The following SORCS3 variants were observed in gnomAD, a reference collection of about 807,000 sequenced individuals.
The protein encoded by SORCS3 is VPS10 domain-containing receptor SorCS3.
A neutral mutation model predicts 146.3 loss-of-function variants in SORCS3; 57 were observed. That is an observed-to-expected ratio of 0.39 (90% CI 0.31 to 0.49). SORCS3 has a LOEUF of 0.49. Ranked by LOEUF, SORCS3 falls within the 20% of genes least tolerant of loss-of-function variation. SORCS3 has a pLI of 0.92. For missense variants in SORCS3, 1,341 were observed against 1,575.5 expected (o/e 0.85, Z 2.52); for synonymous variants, 653 against 618.5 (o/e 1.06, Z -0.83).
At chr10:105,006,031 C>T (rs541213535) in intron 4 of SORCS3, among the ~76,000 whole-genome samples, 2 of 152,216 alleles carry the variant, frequency 1.3e-5, no homozygotes, top group East Asian at 1.9e-4. Flanking sequence ...AACTTCCGTC[C>T]CTTGGGTTCA....
At chr10:104,863,738 G>A (rs534870259) in intron 2 of SORCS3, among the ~76,000 whole-genome samples, 1 of 152,308 alleles carries the variant, frequency 6.6e-6, no homozygotes, top group Admixed American at 6.5e-5. Context: ...TTGGTACCCT[G>A]TCTGCTCCTA....
At chr10:104,780,026 A>AGGGAGGT in intron 1 of SORCS3, among the ~76,000 whole-genome samples, 1 of 151,938 alleles carries the variant, frequency 6.6e-6, no homozygotes, top group Admixed American at 6.6e-5. Context: ...GGGGAGGGGA[A>AGGGAGGT]GGGAGGTGGA....
At chr10:104,851,895 T>C (rs2018277644) in intron 2 of SORCS3, among the ~76,000 whole-genome samples, 1 of 152,218 alleles carries the variant, frequency 6.6e-6, no homozygotes, top group African/African-American at 2.4e-5. Context: ...ACCACTGCCC[T>C]AGACATTATT....
intron 1 of SORCS3, among the ~76,000 whole-genome samples, chr10:104,650,487 A>G (rs150283767): frequency 6.6e-6 from 1 of 152,300 alleles, no homozygotes; most frequent in South Asian, 2.1e-4. Context: ...TCCTACAGAA[A>G]AAAGGGGAAT....
At chr10:104,930,320 A>T (rs2019194435) in intron 3 of SORCS3, among the ~76,000 whole-genome samples, 1 of 152,234 alleles carries the variant, frequency 6.6e-6, no homozygotes, top group Non-Finnish European at 1.5e-5. Context: ...TTTTAAACAT[A>T]TGCTTCATAG....
intron 4 of SORCS3, among the ~76,000 whole-genome samples, chr10:105,006,139 A>T (rs970427249): frequency 6.6e-6 from 1 of 152,146 alleles, no homozygotes; most frequent in Admixed American, 6.5e-5. Context: ...ACAGGGTTTC[A>T]CCATGTTGGC....
At chr10:104,785,589 A>AT (rs35146093) in intron 1 of SORCS3, among the ~76,000 whole-genome samples, 46,478 of 113,274 alleles carry the variant, frequency 0.41, 7,686 homozygotes, top group East Asian at 0.71. Flanking sequence ...AAAAAAATAA[A>AT]TTAAAAAAAA....
chr10:105,231,801 A>G (rs1250701905), intron 20 of SORCS3, among the ~76,000 whole-genome samples: 7 of 152,074 alleles, frequency 4.6e-5, no homozygotes, highest in Non-Finnish European at 1.0e-4. Flanking sequence ...TGCTGATGAG[A>G]TGGATTACAT....
intron 2 of SORCS3, among the ~76,000 whole-genome samples, chr10:104,911,625 A>G (rs190956150): frequency 2.0e-5 from 3 of 152,334 alleles, no homozygotes; most frequent in Admixed American, 6.5e-5. Flanking sequence ...ACAACTTAGC[A>G]TTGTGTTGGT....
intron 1 of SORCS3, among the ~76,000 whole-genome samples, chr10:104,763,515 G>A (rs1232199520): frequency 6.6e-6 from 1 of 152,168 alleles, no homozygotes; most frequent in Non-Finnish European, 1.5e-5. Context: ...AAACAAAGTA[G>A]AGTTTATTCA....
At chr10:104,778,869 G>A (rs1315025226) in intron 1 of SORCS3, among the ~76,000 whole-genome samples, 2 of 148,324 alleles carry the variant, frequency 1.3e-5, no homozygotes, top group Non-Finnish European at 3.1e-5. Context: ...GGAACCTGTG[G>A]ATGTTACCCT....
intron 9 of SORCS3, among the ~76,000 whole-genome samples, chr10:105,149,205 TGAGAGTGG>T: frequency 6.6e-6 from 1 of 152,122 alleles, no homozygotes; most frequent in South Asian, 2.1e-4. Flanking sequence ...ACTAATACAC[TGAGAGTGG>T]CAGAAATATT....
intron 3 of SORCS3, among the ~76,000 whole-genome samples, chr10:104,961,305 A>C (rs1293994689): frequency 6.6e-6 from 1 of 152,096 alleles, no homozygotes; most frequent in Non-Finnish European, 1.5e-5. Flanking sequence ...CATTGTGCCA[A>C]CTCACATGTC....
chr10:105,185,799 C>T (rs1298234876), intron 14 of SORCS3, among the ~76,000 whole-genome samples: 2 of 152,096 alleles, frequency 1.3e-5, no homozygotes, highest in African/African-American at 2.4e-5. Context: ...TTCCACAACC[C>T]CTTCTAGAAC....
intron 3 of SORCS3, among the ~76,000 whole-genome samples, chr10:104,975,486 C>G (rs1425424540): frequency 6.6e-6 from 1 of 152,068 alleles, no homozygotes; most frequent in Admixed American, 6.6e-5. Context: ...CCATACTGCC[C>G]AAGGTAATTT....
chr10:105,019,752 G>T (rs554425743), intron 4 of SORCS3, among the ~76,000 whole-genome samples: 1 of 152,196 alleles, frequency 6.6e-6, no homozygotes, highest in Non-Finnish European at 1.5e-5. Flanking sequence ...ATGTTGGAGA[G>T]AATTTGTCTT....
At chr10:105,044,346 C>T (rs983308916) in intron 5 of SORCS3, among the ~76,000 whole-genome samples, 1 of 152,020 alleles carries the variant, frequency 6.6e-6, no homozygotes, top group Admixed American at 6.6e-5. Context: ...GAATAGGCTA[C>T]TGCCATCATA....
At chr10:105,038,254 A>G (rs115471356) in intron 4 of SORCS3, among the ~76,000 whole-genome samples, 59 of 152,328 alleles carry the variant, frequency 3.9e-4, no homozygotes, top group African/African-American at 1.4e-3. Flanking sequence ...GTTTTTAAAG[A>G]TGTTTATTGT....
chr10:104,741,171 A>G (rs1300891414), intron 1 of SORCS3, among the ~76,000 whole-genome samples: 1 of 99,216 alleles, frequency 1.0e-5, no homozygotes, highest in Non-Finnish European at 1.9e-5. Flanking sequence ...GGGTCTTGCT[A>G]TGTTGCCCAG....
Sources: gnomAD v4.1 joint callset for allele counts (sites outside exome capture counted in the v4.1 genomes callset) on GRCh38, gnomAD v4.1.1 for gene constraint, MANE v1.5 for transcripts, NCBI Gene and HGNC (gene_info 2026-07-23, HGNC 2026-07-21) for gene names.